The following NYAP2 variants were observed in gnomAD, a reference collection of about 807,000 sequenced individuals.
NYAP2 encodes the protein neuronal tyrosine-phosphorylated phosphoinositide-3-kinase adaptor 2, also known as neuronal tyrosine-phosphorylated phosphoinositide-3-kinase adapter 2.
A neutral mutation model predicts 50.4 loss-of-function variants in NYAP2; 23 were observed. The ratio of observed to expected loss-of-function variants is 0.46; its 90% CI spans 0.33 to 0.65. The LOEUF (loss-of-function observed/expected upper bound fraction) is 0.65, where lower values mean the gene tolerates loss of function less well. Ranked by LOEUF, NYAP2 falls within the 30% of genes least tolerant of loss-of-function variation. The probability of loss-of-function intolerance (pLI) is 0.02; values close to 1 mark genes in which losing one functional copy is unlikely to be tolerated. For missense variants in NYAP2, 885 were observed against 861.0 expected (o/e 1.03, Z -0.35); for synonymous variants, 394 against 365.2 (o/e 1.08, Z -0.90).
At chr2:225,655,264 A>G (rs1291903070), downstream of NYAP2, among the ~76,000 whole-genome samples, 6 of 152,238 alleles carry the variant, frequency 3.9e-5, no homozygotes, top group Non-Finnish European at 7.3e-5. Flanking sequence ...GCCCCAAAAC[A>G]CATATTATTC....
At chr2:225,547,274 C>T (rs1053448970) in intron 4 of NYAP2, among the ~76,000 whole-genome samples, 3 of 152,204 alleles carry the variant, frequency 2.0e-5, no homozygotes, top group Admixed American at 6.5e-5. Context: ...ATTTACTCCA[C>T]TATTTAATTA....
chr2:225,660,312 C>A, the NYAP2 span, among the ~76,000 whole-genome samples: 2 of 152,212 alleles, frequency 1.3e-5, no homozygotes, highest in Middle Eastern at 3.4e-3. Flanking sequence ...TGTCAGCTCT[C>A]CTGCCCCCAA....
At chr2:225,419,896 C>G (rs1695188821) in intron 3 of NYAP2, among the ~76,000 whole-genome samples, 1 of 152,128 alleles carries the variant, frequency 6.6e-6, no homozygotes, top group South Asian at 2.1e-4. Context: ...TACCCAGCCC[C>G]CAACTGTGAA....
At chr2:225,588,356 A>C (rs1278801548) in intron 5 of NYAP2, among the ~76,000 whole-genome samples, 1 of 152,066 alleles carries the variant, frequency 6.6e-6, no homozygotes, top group Non-Finnish European at 1.5e-5. Context: ...CTTAGAAAAA[A>C]AAAAATCCAC....
At position 225,421,787 on chromosome 2, in the gene NYAP2, A is replaced by G. The variant is rs145921765; in HGVS notation, c.221+12686A>G. Among the ~76,000 whole-genome samples, 630 of 152,336 alleles carry G rather than the reference A, an allele frequency of 4.1e-3. 5 individuals carry two copies. The highest frequency in any genetic ancestry group is 0.013 in the African/African-American group (545 of 41,592). On this transcript the variant is annotated intron_variant, in intron 3 of 6. Coordinates refer to ENST00000636099, the Ensembl canonical transcript of NYAP2. ...TTTTCTCTAGATTTTGCTGGGCCCT[A>G]TTTGAAGTCCCCAAACCTCAGCAAC...
At chr2:225,505,394 A>T (rs1395566278) in intron 3 of NYAP2, among the ~76,000 whole-genome samples, 1 of 152,224 alleles carries the variant, frequency 6.6e-6, no homozygotes, top group Non-Finnish European at 1.5e-5. Context: ...CTCAGGGAAG[A>T]CATTAAGGGT....
intron 3 of NYAP2, among the ~76,000 whole-genome samples, chr2:225,467,476 G>A (rs982568753): frequency 2.0e-4 from 31 of 152,170 alleles, no homozygotes; most frequent in African/African-American, 6.8e-4. Context: ...CCCTGTTCAC[G>A]TCTGATTAGC....
intron 6 of NYAP2, among the ~76,000 whole-genome samples, chr2:225,633,960 C>T (rs902701718): frequency 6.6e-6 from 1 of 152,180 alleles, no homozygotes; most frequent in African/African-American, 2.4e-5. Context: ...CCCTGTGGCA[C>T]AGAGAAGCTG....
intron 3 of NYAP2, among the ~76,000 whole-genome samples, chr2:225,416,457 C>A (rs984168262): frequency 4.6e-5 from 7 of 152,096 alleles, no homozygotes; most frequent in Admixed American, 3.9e-4. Context: ...AAAATGGCGT[C>A]TGTCCTGCTG....
At chr2:225,642,127 G>A (rs933650980) in intron 6 of NYAP2, among the ~76,000 whole-genome samples, 4 of 152,138 alleles carry the variant, frequency 2.6e-5, no homozygotes, top group South Asian at 4.1e-4. Flanking sequence ...AGGACCAAGT[G>A]TACCAGGCAG....
At chr2:225,564,792 T>C (rs1691935046) in intron 4 of NYAP2, among the ~76,000 whole-genome samples, 1 of 152,078 alleles carries the variant, frequency 6.6e-6, no homozygotes, top group Non-Finnish European at 1.5e-5. Flanking sequence ...TTTCCTAAAT[T>C]TGAGAAGTAT....
chr2:225,448,995 T>C, intron 3 of NYAP2, among the ~76,000 whole-genome samples: 1 of 152,196 alleles, frequency 6.6e-6, no homozygotes, highest in Non-Finnish European at 1.5e-5. Context: ...AAAAAATGTC[T>C]GTGTGGTATA....
chr2:225,477,337 T>G (rs1270716771), intron 3 of NYAP2, among the ~76,000 whole-genome samples: 1 of 142,822 alleles, frequency 7.0e-6, no homozygotes, highest in African/African-American at 2.6e-5. Context: ...CCTGGGTTCA[T>G]GCCATTCTCC....
chr2:225,497,051 C>T (rs181860457), intron 3 of NYAP2, among the ~76,000 whole-genome samples: 92 of 152,176 alleles, frequency 6.0e-4, no homozygotes, highest in East Asian at 1.9e-3. Context: ...TAACACTGGA[C>T]GCTGACACCC....
chr2:225,616,369 G>A (rs1174200819), intron 5 of NYAP2, among the ~76,000 whole-genome samples: 1 of 152,198 alleles, frequency 6.6e-6, no homozygotes, highest in Non-Finnish European at 1.5e-5. Flanking sequence ...GAGGCACAGG[G>A]CCTTTGCCCT....
intron 5 of NYAP2, among the ~76,000 whole-genome samples, chr2:225,593,919 ATGCTGAATGCTGAATCAT>A (rs1189566724): frequency 6.6e-6 from 1 of 152,236 alleles, no homozygotes; most frequent in Non-Finnish European, 1.5e-5. Context: ...AAAAGCAGCT[ATGCTGAATGCTGAATCAT>A]TGCTTCTACT....
chr2:225,493,466 G>A (rs7578951), intron 3 of NYAP2, among the ~76,000 whole-genome samples: 32,224 of 152,056 alleles, frequency 0.21, 4,586 homozygotes, highest in African/African-American at 0.41. Flanking sequence ...CAACATAAGG[G>A]AAAATGGGAG....
intron 3 of NYAP2, among the ~76,000 whole-genome samples, chr2:225,505,581 T>G (rs1431085): frequency 0.31 from 47,896 of 152,056 alleles, 7,685 homozygotes; most frequent in South Asian, 0.48. Flanking sequence ...ATAATAAAGC[T>G]GCATGCATTT....
intron 3 of NYAP2, among the ~76,000 whole-genome samples, chr2:225,460,298 C>T (rs978517130): frequency 6.6e-6 from 1 of 152,158 alleles, no homozygotes; most frequent in Non-Finnish European, 1.5e-5. Flanking sequence ...ACAGTTTCTA[C>T]TAGGGTTGTT....
Sources: gnomAD v4.1 joint callset for allele counts (sites outside exome capture counted in the v4.1 genomes callset) on GRCh38, gnomAD v4.1.1 for gene constraint, MANE v1.5 for transcripts, NCBI Gene and HGNC (gene_info 2026-07-23, HGNC 2026-07-21) for gene names.